Variants in MARCHF1 observed in about 807,000 individuals in gnomAD.
MARCHF1 encodes the protein E3 ubiquitin-protein ligase MARCHF1.
A neutral mutation model predicts 54.2 loss-of-function variants in MARCHF1; 40 were observed. The ratio of observed to expected loss-of-function variants is 0.74; its 90% CI spans 0.57 to 0.96. The LOEUF is 0.96. Ranked by LOEUF, MARCHF1 falls within the 40% of genes least tolerant of loss-of-function variation. The pLI, the probability that MARCHF1 is intolerant of heterozygous loss-of-function variation, is 0.00. For synonymous variants in MARCHF1, 236 were observed against 236.3 expected (o/e 1.00, Z 0.01); for missense variants, 586 against 656.5 (o/e 0.89, Z 1.17).
chr4:163,662,146 C>A (rs916519345), intron 5 of MARCHF1, among the ~76,000 whole-genome samples: 2 of 151,884 alleles, frequency 1.3e-5, no homozygotes, highest in Admixed American at 6.6e-5. Context: ...CACAGTTGGT[C>A]CATGATATCT....
chr4:164,163,251 T>A (rs1031720412), intron 1 of MARCHF1, among the ~76,000 whole-genome samples: 1 of 152,074 alleles, frequency 6.6e-6, no homozygotes, highest in African/African-American at 2.4e-5. Flanking sequence ...TAAAAATTAT[T>A]ATAATACTAT....
At chr4:163,660,396 C>T (rs988182112) in intron 5 of MARCHF1, among the ~76,000 whole-genome samples, 3 of 151,716 alleles carry the variant, frequency 2.0e-5, no homozygotes, top group Non-Finnish European at 2.9e-5. Flanking sequence ...CACACCGGGG[C>T]CTGTCGGTGG....
intron 3 of MARCHF1, among the ~76,000 whole-genome samples, chr4:163,927,391 T>G (rs1751559870): frequency 6.6e-6 from 1 of 151,744 alleles, no homozygotes; most frequent in Non-Finnish European, 1.5e-5. Flanking sequence ...AAACTAAAAT[T>G]TAACGTGGGA....
chr4:164,333,249 T>C (rs1729616207), intron 1 of MARCHF1, among the ~76,000 whole-genome samples: 1 of 152,162 alleles, frequency 6.6e-6, no homozygotes, highest in East Asian at 1.9e-4. Context: ...TATATAAATA[T>C]GTATATATTT....
At chr4:164,371,384 A>C (rs1329935611) in intron 1 of MARCHF1, among the ~76,000 whole-genome samples, 3 of 152,250 alleles carry the variant, frequency 2.0e-5, no homozygotes, top group Admixed American at 2.0e-4. Flanking sequence ...TTGTAAAGGA[A>C]AAGAATGATA....
At chr4:163,954,840 T>C (rs1417584665) in intron 3 of MARCHF1, among the ~76,000 whole-genome samples, 1 of 152,178 alleles carries the variant, frequency 6.6e-6, no homozygotes, top group Non-Finnish European at 1.5e-5. Context: ...TTAAGAGCTA[T>C]AATTTTGCCC....
intron 3 of MARCHF1, among the ~76,000 whole-genome samples, chr4:163,856,868 C>T (rs1261870650): frequency 3.3e-5 from 5 of 151,844 alleles, no homozygotes; most frequent in East Asian, 3.9e-4. Flanking sequence ...AAAAATTAGC[C>T]GGGCGTGGTG....
At chr4:164,051,246 T>C (rs1458328044) in intron 2 of MARCHF1, among the ~76,000 whole-genome samples, 1 of 152,184 alleles carries the variant, frequency 6.6e-6, no homozygotes, top group Non-Finnish European at 1.5e-5. Flanking sequence ...ACAGAATAAA[T>C]ATCTGTTAGT....
chr4:163,708,580 C>T (rs938560330), intron 4 of MARCHF1, among the ~76,000 whole-genome samples: 5 of 151,862 alleles, frequency 3.3e-5, no homozygotes, highest in Admixed American at 6.6e-5. Context: ...AAGGTAACTT[C>T]GAGAGTGAAA....
intron 1 of MARCHF1, among the ~76,000 whole-genome samples, chr4:164,143,102 C>T (rs1214004824): frequency 2.8e-5 from 4 of 145,056 alleles, no homozygotes; most frequent in Admixed American, 6.9e-5. Context: ...TGAAATGAAG[C>T]GAGAAGGGAA....
At chr4:163,776,563 T>C (rs1460729218) in intron 4 of MARCHF1, among the ~76,000 whole-genome samples, 2 of 152,126 alleles carry the variant, frequency 1.3e-5, no homozygotes, top group East Asian at 3.8e-4. Context: ...CCTTTGGTAA[T>C]ATACTTGGTT....
In MARCHF1 at chr4:163,792,111, T is replaced by A. The variant is rs1264587612; in HGVS notation, c.111+61910A>T. The stretch of plus-strand genomic sequence containing the variant: ...TAAATATATCAACAAACATAACTTT[T>A]ACTTTTTTCATTCCTGCAGTTGCCA... On this transcript the variant is annotated intron_variant, in intron 4 of 9. Transcript: ENST00000514618. Among the ~76,000 whole-genome samples, 4 of 152,184 alleles carry A rather than the reference T, an allele frequency of 2.6e-5. No individual in the cohort carries two copies. In the South Asian group the frequency reaches 8.3e-4, roughly 31 times the overall value.
chr4:163,912,990 T>C (rs1313801075), intron 3 of MARCHF1, among the ~76,000 whole-genome samples: 1 of 152,236 alleles, frequency 6.6e-6, no homozygotes, highest in Non-Finnish European at 1.5e-5. Flanking sequence ...TGACACATTA[T>C]AAAATTTAAA....
chr4:163,744,956 T>G (rs990630098), intron 4 of MARCHF1, among the ~76,000 whole-genome samples: 1 of 152,162 alleles, frequency 6.6e-6, no homozygotes, highest in South Asian at 2.1e-4. Flanking sequence ...AATTAGGCTC[T>G]GTGCTCCCAA....
At chr4:163,593,578 T>C (rs1043870948) in intron 7 of MARCHF1, among the ~76,000 whole-genome samples, 14 of 152,234 alleles carry the variant, frequency 9.2e-5, no homozygotes, top group Non-Finnish European at 1.5e-5. Context: ...GATCTTTTTT[T>C]TGTGATGGCT....
chr4:164,084,627 A>G (rs1007939982), intron 2 of MARCHF1, among the ~76,000 whole-genome samples: 14 of 151,880 alleles, frequency 9.2e-5, no homozygotes, highest in African/African-American at 3.4e-4. Context: ...CTGACTCCCA[A>G]TGTAAAGTAA....
chr4:164,223,852 T>A (rs1270750541), intron 1 of MARCHF1, among the ~76,000 whole-genome samples: 5 of 151,310 alleles, frequency 3.3e-5, no homozygotes, highest in Non-Finnish European at 7.4e-5. Context: ...TCATTCACAT[T>A]AACATATTAA....
chr4:163,593,211 ACATT>A (rs1740649415), intron 7 of MARCHF1, among the ~76,000 whole-genome samples: 1 of 152,210 alleles, frequency 6.6e-6, no homozygotes, highest in South Asian at 2.1e-4. Flanking sequence ...GATTTTCTCT[ACATT>A]TGCATATGTC....
intron 1 of MARCHF1, among the ~76,000 whole-genome samples, chr4:164,170,932 T>G (rs904782225): frequency 6.6e-6 from 1 of 152,230 alleles, no homozygotes; most frequent in South Asian, 2.1e-4. Context: ...TTATGACGGC[T>G]CCTATGTATG....
Sources: gnomAD v4.1 joint callset for allele counts (sites outside exome capture counted in the v4.1 genomes callset) on GRCh38, gnomAD v4.1.1 for gene constraint, MANE v1.5 for transcripts, NCBI Gene and HGNC (gene_info 2026-07-23, HGNC 2026-07-21) for gene names.